The following FIRRM variants were observed in gnomAD, a reference collection of about 807,000 sequenced individuals.
FIRRM encodes FIGNL1 interacting regulator of recombination and mitosis.
At chr1:169,810,984 C>G in the FIRRM span, among the ~76,000 whole-genome samples, 1 of 151,402 alleles carries the variant, frequency 6.6e-6, no homozygotes, top group South Asian at 2.1e-4. Flanking sequence ...CTCAGCCTCC[C>G]GAGTAGCTGG....
At chr1:169,844,985 G>A in the FIRRM span, among the ~76,000 whole-genome samples, 2 of 152,134 alleles carry the variant, frequency 1.3e-5, no homozygotes. Context: ...ATATGTAACA[G>A]AGAACATGTT....
chr1:169,848,660 C>G, the FIRRM span, among the ~76,000 whole-genome samples: 3 of 152,212 alleles, frequency 2.0e-5, no homozygotes, highest in Non-Finnish European at 4.4e-5. Context: ...CTTTTCAGCT[C>G]TCTTGACAAA....
chr1:169,801,915 T>C, the FIRRM span, among the ~76,000 whole-genome samples: 1 of 152,224 alleles, frequency 6.6e-6, no homozygotes, highest in African/African-American at 2.4e-5. Context: ...GAATTTGTTC[T>C]TGACCACCAG....
At chr1:169,796,558 G>C in the FIRRM span, among the ~76,000 whole-genome samples, 55 of 152,142 alleles carry the variant, frequency 3.6e-4, no homozygotes, top group African/African-American at 1.1e-3. Context: ...ACTATGTCTT[G>C]AATCAATCCG....
chr1:169,804,469 T>G, the FIRRM span: 2 of 270,888 alleles, frequency 7.4e-6, no homozygotes, highest in Non-Finnish European at 1.4e-5. Context: ...AATGATTAAC[T>G]TATATAACTT....
chr1:169,811,117 C>T, the FIRRM span, among the ~76,000 whole-genome samples: 1 of 151,950 alleles, frequency 6.6e-6, no homozygotes, highest in African/African-American at 2.4e-5. Flanking sequence ...GCCTCGGCCT[C>T]CCAAAGTGCT....
At chr1:169,817,896 A>G in the FIRRM span, among the ~76,000 whole-genome samples, 3 of 152,092 alleles carry the variant, frequency 2.0e-5, no homozygotes, top group Non-Finnish European at 4.4e-5. Context: ...CCAGTGTTCA[A>G]TTTATGGAAA....
chr1:169,810,834 A>AATTTTTTTTTT, the FIRRM span, among the ~76,000 whole-genome samples: 1 of 61,194 alleles, frequency 1.6e-5, no homozygotes, highest in East Asian at 5.4e-4. Context: ...TTAGCCCCCA[A>AATTTTTTTTTT]TTTTTTTTTT....
chr1:169,818,170 T>TA, the FIRRM span, among the ~76,000 whole-genome samples: 8 of 152,234 alleles, frequency 5.3e-5, no homozygotes, highest in Non-Finnish European at 8.8e-5. Flanking sequence ...AATTACATGT[T>TA]ACAATGTTAA....
chr1:169,818,060 A>G, the FIRRM span, among the ~76,000 whole-genome samples: 1 of 152,204 alleles, frequency 6.6e-6, no homozygotes, highest in Non-Finnish European at 1.5e-5. Flanking sequence ...AATCTAGGTC[A>G]AAAATCCACA....
the FIRRM span, among the ~76,000 whole-genome samples, chr1:169,845,353 C>G: frequency 1.3e-5 from 2 of 152,316 alleles, no homozygotes; most frequent in South Asian, 4.1e-4. Flanking sequence ...TGGATGGCTG[C>G]TAACCCATCA....
the FIRRM span, among the ~76,000 whole-genome samples, chr1:169,785,261 G>A: frequency 0.57 from 87,026 of 152,060 alleles, 25,530 homozygotes; most frequent in African/African-American, 0.69. Context: ...CTCTGGCCCC[G>A]TGGTACTGTC....
At chr1:169,828,262 C>A in the FIRRM span, among the ~76,000 whole-genome samples, 1 of 152,152 alleles carries the variant, frequency 6.6e-6, no homozygotes, top group African/African-American at 2.4e-5. Flanking sequence ...TTACTCTGTG[C>A]TCTAATTTTT....
chr1:169,796,196 T>C, the FIRRM span, among the ~76,000 whole-genome samples: 1 of 152,206 alleles, frequency 6.6e-6, no homozygotes, highest in South Asian at 2.1e-4. Flanking sequence ...AGTTTTTGTG[T>C]AGGTACAGAA....
the FIRRM span, chr1:169,793,260 T>C: frequency 3.1e-6 from 5 of 1,614,058 alleles, no homozygotes; most frequent in Admixed American, 3.3e-5. Context: ...TTTGAAACTA[T>C]GTTTTCTCCA....
the FIRRM span, among the ~76,000 whole-genome samples, chr1:169,803,893 A>G: frequency 6.6e-6 from 1 of 152,232 alleles, no homozygotes; most frequent in Non-Finnish European, 1.5e-5. Flanking sequence ...CATGGAAGTC[A>G]GAAATAATAT....
chr1:169,834,961 A>C, the FIRRM span, among the ~76,000 whole-genome samples: 1 of 152,196 alleles, frequency 6.6e-6, no homozygotes, highest in African/African-American at 2.4e-5. Context: ...GAAGAGGTGC[A>C]GTATGGGAAC....
the FIRRM span, among the ~76,000 whole-genome samples, chr1:169,813,920 T>C: frequency 3.3e-5 from 5 of 152,188 alleles, no homozygotes; most frequent in Admixed American, 1.3e-4. Context: ...GGGAGAAATG[T>C]TTTGTGCCCT....
the FIRRM span, among the ~76,000 whole-genome samples, chr1:169,820,388 C>T: frequency 6.9e-4 from 105 of 152,176 alleles, 1 homozygote; most frequent in Admixed American, 1.8e-3. Context: ...AAGCTCCCCA[C>T]GTCCCATGAT....
Sources: allele counts gnomAD v4.1 joint callset (sites outside exome capture counted in the v4.1 genomes callset), GRCh38; gene constraint gnomAD v4.1.1; transcripts MANE v1.5; gene names NCBI Gene and HGNC (gene_info 2026-07-23, HGNC 2026-07-21).